SLC22A23: variants seen among roughly 807,000 people sequenced by gnomAD.
The protein encoded by SLC22A23 is ion transporter protein.
A neutral mutation model predicts 61.0 loss-of-function variants in SLC22A23; 26 were observed. That is an observed-to-expected ratio of 0.43 (90% CI 0.31 to 0.59). SLC22A23 has a LOEUF of 0.59. Ranked by LOEUF, SLC22A23 falls within the 20% of genes least tolerant of loss-of-function variation. SLC22A23 has a pLI of 0.11. For synonymous variants in SLC22A23, 430 were observed against 413.9 expected (o/e 1.04, Z -0.47); for missense variants, 796 against 934.7 (o/e 0.85, Z 1.94).
intron 1 of SLC22A23, among the ~76,000 whole-genome samples, chr6:3,422,141 G>A (rs1770181618): frequency 6.6e-6 from 1 of 152,198 alleles, no homozygotes; most frequent in Admixed American, 6.5e-5. Context: ...GGATAGTACT[G>A]CTTAAAACTT....
chr6:3,371,816 A>G (rs1318768286), intron 3 of SLC22A23, among the ~76,000 whole-genome samples: 1 of 152,186 alleles, frequency 6.6e-6, no homozygotes, highest in Non-Finnish European at 1.5e-5. Flanking sequence ...TTTTTACAGT[A>G]TATTATCTAA....
rs1330753988 is a variant in SLC22A23, at chr6:3,372,379, C to T, written c.913+37809G>A. 6.6e-6 allele frequency among the ~76,000 whole-genome samples: 1 copy of T among 152,208 alleles called. No individual in the cohort carries two copies. Among genetic ancestry groups the T allele is most frequent in the Non-Finnish European group, 1.5e-5 (1 of 68,038 alleles). On this transcript the variant is annotated intron_variant, in intron 3 of 9. Coordinates refer to ENST00000406686, the MANE Select transcript of SLC22A23 (RefSeq NM_015482.2). This position sits in a 1 kb window ranked among gnomAD's most constrained non-coding sequence, Gnocchi z 4.7. ...CGAAGGTCTAAGCCTGCAGGCTCCT[C>T]CTGCTGGCTGTGCTGGGAAGGGGGG...
chr6:3,284,910 A>T (rs893407923), intron 8 of SLC22A23, 169 bp downstream of exon 8: 13 of 1,538,852 alleles, frequency 8.4e-6, no homozygotes, highest in Non-Finnish European at 1.1e-5. Context: ...GAGGGAGAAT[A>T]CAAATGTATC....
At chr6:3,321,604 C>T (rs1001564536) in intron 4 of SLC22A23, among the ~76,000 whole-genome samples, 1 of 152,118 alleles carries the variant, frequency 6.6e-6, no homozygotes, top group Non-Finnish European at 1.5e-5. Context: ...AACAAAAACC[C>T]GGCCCTTCTC....
intron 3 of SLC22A23, among the ~76,000 whole-genome samples, chr6:3,385,319 C>G (rs540826236): frequency 1.3e-5 from 2 of 152,024 alleles, no homozygotes; most frequent in African/African-American, 4.8e-5. Context: ...TTGAGACCAG[C>G]CTGGCCAACA....
chr6:3,365,268 G>A (rs979583086), intron 3 of SLC22A23, among the ~76,000 whole-genome samples: 1 of 152,216 alleles, frequency 6.6e-6, no homozygotes, highest in Non-Finnish European at 1.5e-5. Flanking sequence ...GTTGCAGTGA[G>A]CCAAGATCAC....
intron 3 of SLC22A23, among the ~76,000 whole-genome samples, chr6:3,362,040 G>A (rs765723664): frequency 1.3e-5 from 2 of 152,106 alleles, no homozygotes; most frequent in Non-Finnish European, 2.9e-5. Context: ...AGATTCATGT[G>A]CTTGTCAGCA....
intron 4 of SLC22A23, among the ~76,000 whole-genome samples, chr6:3,298,948 C>T (rs941811248): frequency 4.4e-5 from 6 of 137,238 alleles, no homozygotes; most frequent in African/African-American, 9.0e-5. Context: ...GTCCGCAGTC[C>T]GGCCTGGGCG....
At chr6:3,429,474 T>C (rs1316913319) in intron 1 of SLC22A23, among the ~76,000 whole-genome samples, 1 of 135,394 alleles carries the variant, frequency 7.4e-6, no homozygotes, top group Admixed American at 7.4e-5. Context: ...AGTTGCTCCA[T>C]TAGCCCAAGT....
At chr6:3,354,436 C>T (rs748217646) in intron 3 of SLC22A23, among the ~76,000 whole-genome samples, 2 of 152,178 alleles carry the variant, frequency 1.3e-5, no homozygotes, top group Non-Finnish European at 2.9e-5. Flanking sequence ...TTTCCATGTC[C>T]CTGCTGCATT....
rs1455459307 is a variant in SLC22A23 at position 3,372,906 on chromosome 6, C to T, written c.913+37282G>A. 6.6e-6 allele frequency among the ~76,000 whole-genome samples: 1 copy of T among 152,224 alleles called. No individual in the cohort carries two copies. The highest frequency in any genetic ancestry group is 1.5e-5 in the Non-Finnish European group (1 of 68,046). Reference sequence around the variant, plus strand: ...GATTCTTCCGTAAAACTCCAATTAGCCAAAAGCTTGCCCAGTCCGTGCCTT... The same window carrying T: ...GATTCTTCCGTAAAACTCCAATTAGTCAAAAGCTTGCCCAGTCCGTGCCTT... On this transcript the variant is annotated intron_variant, in intron 3 of 9. Coordinates refer to ENST00000406686, the MANE Select transcript of SLC22A23 (RefSeq NM_015482.2). The surrounding 1 kb of genome is among the most constrained non-coding windows in gnomAD (Gnocchi z 4.7).
chr6:3,332,983 C>T (rs373177598), intron 3 of SLC22A23, among the ~76,000 whole-genome samples: 63 of 152,290 alleles, frequency 4.1e-4, no homozygotes, highest in African/African-American at 1.5e-3. Flanking sequence ...TCTGGTGAGA[C>T]CCAGGTTCAG....
intron 9 of SLC22A23, chr6:3,283,565 C>A (rs968636289): frequency 2.5e-5 from 10 of 400,198 alleles, no homozygotes; most frequent in African/African-American, 1.6e-4. Flanking sequence ...TGCACTCCCC[C>A]CCTTGCCAGA....
intron 3 of SLC22A23, among the ~76,000 whole-genome samples, chr6:3,363,608 G>A (rs1208177626): frequency 2.0e-5 from 3 of 152,282 alleles, no homozygotes; most frequent in Non-Finnish European, 4.4e-5. Context: ...AAACTAGGAT[G>A]TGGCACCTTC....
chr6:3,447,620 GCT>G (rs1356112743), intron 1 of SLC22A23, among the ~76,000 whole-genome samples: 1 of 116,906 alleles, frequency 8.6e-6, no homozygotes, highest in African/African-American at 3.3e-5. Context: ...ACAGAGTCTT[GCT>G]CTGTTGCCCA....
rs755743091 is a variant in SLC22A23, at chr6:3,386,449, T to A, written c.913+23739A>T. Among the ~76,000 whole-genome samples the A allele has an allele frequency of 1.4e-4, 21 of 152,140 alleles. No individual in the cohort carries two copies. The highest frequency in any genetic ancestry group is 2.6e-4 in the Non-Finnish European group (18 of 68,024). On this transcript the variant is annotated intron_variant, in intron 3 of 9. Transcript: ENST00000406686. This position sits in a 1 kb window ranked among gnomAD's most constrained non-coding sequence, Gnocchi z 4.4. ...ACCAGGAGTTGGTGCTTCTCTTTCC[T>A]CCTCAAGAAGTTGGCTTCTCTGGAA...
intron 3 of SLC22A23, among the ~76,000 whole-genome samples, chr6:3,369,672 CAG>C (rs1766075067): frequency 7.3e-6 from 1 of 136,934 alleles, no homozygotes; most frequent in African/African-American, 2.8e-5. Flanking sequence ...GCCTGGGTGA[CAG>C]AGTGAGACTC....
Position 3,273,208 on chromosome 6 carries a change from G to A in SLC22A23, c.1908C>T (p.Tyr636=), listed in dbSNP as rs1758592502. The change falls in exon 10 of 10, where the codon TAC becomes TAT. Residue 636 remains tyrosine, a synonymous_variant. Transcript: ENST00000406686. ...TGTGCGGCAGCAGCGGCTGGCGCGTGTAGTGCTCCCCGTTAGAAATGTTCT... is the reference window on the plus strand; with the variant it reads ...TGTGCGGCAGCAGCGGCTGGCGCGTATAGTGCTCCCCGTTAGAAATGTTCT... The part of the protein sequence containing the change: ...LPENISNGEH[Y]TRQPLLPHKK... 3 of 1,613,186 alleles carry A rather than the reference G, an allele frequency of 1.9e-6. No individual in the cohort carries two copies. The highest frequency in any genetic ancestry group is 2.7e-5 in the African/African-American group (2 of 74,948).
At chr6:3,412,159 G>A (rs1769306758) in intron 2 of SLC22A23, among the ~76,000 whole-genome samples, 2 of 152,296 alleles carry the variant, frequency 1.3e-5, no homozygotes, top group Middle Eastern at 3.4e-3. Flanking sequence ...CGTCCCTGAT[G>A]CCTACCAAAC....
Sources: allele counts gnomAD v4.1 joint callset (sites outside exome capture counted in the v4.1 genomes callset), GRCh38; gene constraint gnomAD v4.1.1; non-coding constraint Gnocchi (gnomAD v3.1); transcripts MANE v1.5; gene names NCBI Gene and HGNC (gene_info 2026-07-23, HGNC 2026-07-21).